RABGEF1: variants seen among roughly 807,000 people sequenced by gnomAD.
The protein encoded by RABGEF1 is rab5 GDP/GTP exchange factor.
In RABGEF1, 26 loss-of-function variants were observed where a neutral mutation model predicts 57.3. The observed-to-expected ratio is 0.45, with a 90% CI of 0.33 to 0.63. The LOEUF (loss-of-function observed/expected upper bound fraction) is 0.63. Ranked by LOEUF, RABGEF1 falls within the 20% of genes least tolerant of loss-of-function variation. The pLI, the probability that RABGEF1 is intolerant of heterozygous loss-of-function variation, is 0.02. For synonymous variants in RABGEF1, 185 were observed against 210.7 expected (o/e 0.88, Z 1.06); for missense variants, 464 against 607.6 (o/e 0.76, Z 2.48).
At chr7:66,671,352 G>T in the RABGEF1 span, among the ~76,000 whole-genome samples, 1 of 151,900 alleles carries the variant, frequency 6.6e-6, no homozygotes, top group East Asian at 1.9e-4. Flanking sequence ...GCTATCCTAC[G>T]CAATATGAGA....
intron 1 of RABGEF1, among the ~76,000 whole-genome samples, chr7:66,744,277 A>G (rs1799682399): frequency 6.6e-6 from 1 of 151,646 alleles, no homozygotes. Context: ...TCACGCCTGT[A>G]ATCCTCGCAC....
chr7:66,673,604 G>A, the RABGEF1 span, among the ~76,000 whole-genome samples: 74,319 of 149,664 alleles, frequency 0.5, 19,447 homozygotes, highest in African/African-American at 0.65. Flanking sequence ...AATACTTAGC[G>A]AGTGTTAGCT....
intron 2 of RABGEF1, among the ~76,000 whole-genome samples, chr7:66,716,264 A>G (rs1429423988): frequency 2.0e-5 from 3 of 152,176 alleles, no homozygotes; most frequent in Non-Finnish European, 4.4e-5. Flanking sequence ...TTTACGTAAC[A>G]TATCTTTTTC....
intron 2 of RABGEF1, among the ~76,000 whole-genome samples, chr7:66,720,586 A>C (rs1795936881): frequency 1.3e-5 from 2 of 152,252 alleles, no homozygotes; most frequent in East Asian, 1.9e-4. Flanking sequence ...AAAAACTTAA[A>C]GCTAATATTT....
At chr7:66,713,155 T>C (rs1794969981) in intron 2 of RABGEF1, among the ~76,000 whole-genome samples, 1 of 150,760 alleles carries the variant, frequency 6.6e-6, no homozygotes, top group Admixed American at 6.6e-5. Context: ...TTTTTTTTTT[T>C]TTTTGAGACG....
rs766825667 is a variant in RABGEF1 at position 66,805,187 on chromosome 7, T to G, written c.868T>G (p.Cys290Gly). 3 of 1,613,122 alleles carry G rather than the reference T, an allele frequency of 1.9e-6. No individual in the cohort carries two copies. The South Asian group carries it at 3.3e-5, about 18-fold the overall frequency. Residue 290 changes from cysteine to glycine, a missense_variant, in exon 8 of 9, where the codon TGC becomes GGC. Cys to Gly is a radical substitution (Grantham distance 159). Transcript: ENST00000284957. ...SKRVPRDKLA[C>G]ITKCSKHIFN... ...GCGTGTGCCTCGAGACAAGCTGGCC[T>G]GCATCACCAAGTGCAGCAAGCACAT...
At chr7:66,734,270 C>T (rs1020171768) in intron 2 of RABGEF1, among the ~76,000 whole-genome samples, 6 of 152,118 alleles carry the variant, frequency 3.9e-5, no homozygotes, top group African/African-American at 7.2e-5. Context: ...GGAGGCAACC[C>T]GGCTCCTGCC....
chr7:66,797,306 C>CAG lies in RABGEF1; in HGVS notation c.596-67_596-66insGA, dbSNP rs1786207041. On this transcript the variant is annotated intron_variant, in intron 5 of 8. Coordinates refer to ENST00000284957, the MANE Select transcript of RABGEF1 (RefSeq NM_014504.3). ...GCGACAGAGCCAGACTCTTTGTTTG[C>CAG]AAAAAAAAAAAAAAAGAGAGAGAAA... 3.5e-5 allele frequency: 34 copies of CAG among 975,126 alleles called. 1 individual carries two copies. Among genetic ancestry groups the CAG allele is most frequent in the Non-Finnish European group, 1.3e-6 (1 of 749,324 alleles). The allele number at this position is 975,126 out of a possible 1,614,324, so 60.4% of individuals were successfully genotyped here.
At chr7:66,736,633 G>T (rs1562754073), upstream of RABGEF1, among the ~76,000 whole-genome samples, 1 of 152,154 alleles carries the variant, frequency 6.6e-6, no homozygotes, top group Non-Finnish European at 1.5e-5. Context: ...GGTGAGGCAG[G>T]TGGATCACTT....
At chr7:66,735,571 C>T (rs1797845518) in intron 2 of RABGEF1, among the ~76,000 whole-genome samples, 1 of 152,162 alleles carries the variant, frequency 6.6e-6, no homozygotes. Context: ...GAGGTGAGGC[C>T]TGGTGAGAGG....
At chr7:66,693,850 C>T (rs929277691) in intron 1 of RABGEF1, among the ~76,000 whole-genome samples, 6 of 151,904 alleles carry the variant, frequency 3.9e-5, no homozygotes, top group African/African-American at 1.4e-4. Context: ...CTCTGTCACC[C>T]AGGCTGGAGT....
intron 1 of RABGEF1, among the ~76,000 whole-genome samples, chr7:66,752,601 T>C (rs1344081302): frequency 6.6e-6 from 1 of 152,132 alleles, no homozygotes; most frequent in African/African-American, 2.4e-5. Flanking sequence ...TGAGAATAAA[T>C]GGACATTTTC....
chr7:66,744,009 T>C (rs1040267913), intron 1 of RABGEF1, among the ~76,000 whole-genome samples: 1 of 151,130 alleles, frequency 6.6e-6, no homozygotes, highest in Non-Finnish European at 1.5e-5. Context: ...GTGTAGTGCT[T>C]GATTATTTGC....
rs543483537 is a variant in RABGEF1 at position 66,756,513 on chromosome 7, G to T, written c.-17-15370G>T. Among the ~76,000 whole-genome samples the T allele has an allele frequency of 1.6e-4, 25 of 152,194 alleles. No homozygotes were observed. The South Asian group carries it at 2.1e-3, about 13-fold the overall frequency. On this transcript the variant is annotated intron_variant, in intron 1 of 8. Coordinates refer to ENST00000284957, the MANE Select transcript of RABGEF1 (RefSeq NM_014504.3). The stretch of plus-strand genomic sequence containing the variant: ...CTTGGCTATCAAAGATTTATAAATT[G>T]TGTTAGTACTATTTCTGAATTTAAT...
the RABGEF1 span, chr7:66,666,328 G>C: frequency 5.9e-5 from 9 of 152,246 alleles, no homozygotes; most frequent in African/African-American, 2.2e-4. Flanking sequence ...CCAAAATGCA[G>C]ATTCCAGGGC....
At chr7:66,677,635 G>A (rs1450455153), upstream of RABGEF1, among the ~76,000 whole-genome samples, 2 of 151,924 alleles carry the variant, frequency 1.3e-5, no homozygotes, top group East Asian at 3.9e-4. Flanking sequence ...GGTGGCGGGT[G>A]CCTGTAGTCC....
rs112163647 is a variant in RABGEF1 at position 66,792,942 on chromosome 7, G to A, written c.514-2569G>A. On this transcript the variant is annotated intron_variant, in intron 4 of 8. Coordinates refer to ENST00000284957, the MANE Select transcript of RABGEF1 (RefSeq NM_014504.3). ...AGAATGGAAAGCAGGATGAGAGACA[G>A]TGGCAGGGGTGAGTTCTTTTACATT... Among the ~76,000 whole-genome samples, 428 of 152,348 alleles carry A rather than the reference G, an allele frequency of 2.8e-3. 1 individual carries two copies. Among genetic ancestry groups the A allele is most frequent in the African/African-American group, 9.9e-3 (412 of 41,578 alleles).
At chr7:66,690,232 C>T (rs1009670708) in intron 1 of RABGEF1, among the ~76,000 whole-genome samples, 1 of 151,002 alleles carries the variant, frequency 6.6e-6, no homozygotes, top group Admixed American at 6.6e-5. Context: ...TCCCAAGTAG[C>T]TGGGATTATA....
chr7:66,762,600 A>AG (rs1804708025), intron 1 of RABGEF1, among the ~76,000 whole-genome samples: 1 of 152,000 alleles, frequency 6.6e-6, no homozygotes, highest in African/African-American at 2.4e-5. Context: ...AGAAAAGAAA[A>AG]GAAAAAAAGA....
Sources: allele counts gnomAD v4.1 joint callset (sites outside exome capture counted in the v4.1 genomes callset), GRCh38; gene constraint gnomAD v4.1.1; transcripts MANE v1.5; gene names NCBI Gene and HGNC (gene_info 2026-07-23, HGNC 2026-07-21).